Variants in TGFB2 observed in about 807,000 individuals in gnomAD.
The protein encoded by TGFB2 is transforming growth factor beta-2 proprotein.
TGFB2 carries 13 observed loss-of-function variants against 42.7 expected under a neutral mutation model. The observed-to-expected ratio is 0.30, with a 90% CI of 0.20 to 0.48. The LOEUF (loss-of-function observed/expected upper bound fraction) is 0.48, where lower values mean the gene tolerates loss of function less well. TGFB2 is among the 20% of genes least tolerant of loss of function. The pLI is 0.99. For synonymous variants in TGFB2, 193 were observed against 193.6 expected (o/e 1.00, Z 0.03); for missense variants, 390 against 517.5 (o/e 0.75, Z 2.39).
intron 2 of TGFB2, among the ~76,000 whole-genome samples, chr1:218,412,137 G>T (rs980435245): frequency 6.6e-6 from 1 of 152,094 alleles, no homozygotes; most frequent in African/African-American, 2.4e-5. Flanking sequence ...AGATAAATTA[G>T]CCTCCACCTT....
At chr1:218,382,613 T>C (rs1042350807) in intron 1 of TGFB2, among the ~76,000 whole-genome samples, 12 of 152,342 alleles carry the variant, frequency 7.9e-5, no homozygotes, top group African/African-American at 2.6e-4. Flanking sequence ...AGTGAGATTT[T>C]TTTTTCTCTA....
rs1158331124 is a variant in TGFB2 at position 218,444,491 on chromosome 1, CACCACAAACAAAAAA to C, written c.*3133_*3147del. ...CCTGTCAGTTTCACTGGTACCACTG[CACCACAAACAAAAAA>C]ACCCACCCTATTTCCTCCAATTTTT... is the stretch of plus-strand genomic sequence containing the variant. On this transcript the variant is annotated 3_prime_UTR_variant, in exon 7 of 7. Transcript: ENST00000366930. 1 of 152,136 alleles carries C rather than the reference CACCACAAACAAAAAA, an allele frequency of 6.6e-6. No homozygotes were observed. 9.4% of individuals were successfully genotyped at this position (152,136 alleles called of 1,614,324 possible).
At chr1:218,434,478 G>T in intron 4 of TGFB2, 30 bp downstream of exon 4, 1 of 1,376,632 alleles carries the variant, frequency 7.3e-7, no homozygotes, top group Non-Finnish European at 1.0e-6. Context: ...ATGAGGTGGG[G>T]GAGGGAAGGG....
intron 1 of TGFB2, among the ~76,000 whole-genome samples, chr1:218,393,078 G>A (rs568000716): frequency 2.5e-4 from 38 of 152,270 alleles, no homozygotes; most frequent in Middle Eastern, 3.4e-3. Flanking sequence ...CTATAATTTT[G>A]AAAAGATTAG....
chr1:218,425,153 G>A (rs1188861298), intron 2 of TGFB2, among the ~76,000 whole-genome samples: 2 of 152,136 alleles, frequency 1.3e-5, no homozygotes, highest in Non-Finnish European at 2.9e-5. Context: ...TTCCTGAAGG[G>A]CTTTGTTAAC....
intron 1 of TGFB2, among the ~76,000 whole-genome samples, chr1:218,364,074 C>G (rs1284501653): frequency 1.3e-5 from 2 of 152,126 alleles, no homozygotes; most frequent in African/African-American, 4.8e-5. Context: ...TCTTGTTTTT[C>G]CAGTGAGGCC....
chr1:218,361,149 G>T (rs186382418), intron 1 of TGFB2, among the ~76,000 whole-genome samples: 1 of 152,174 alleles, frequency 6.6e-6, no homozygotes. Flanking sequence ...CACCGCGCCC[G>T]GCCTGAAAAC....
chr1:218,415,699 GAAAAAAA>G (rs1174137652), intron 2 of TGFB2, among the ~76,000 whole-genome samples: 8 of 61,668 alleles, frequency 1.3e-4, no homozygotes, highest in Admixed American at 1.8e-4. Flanking sequence ...TGTCTCAAAA[GAAAAAAA>G]AAAAAAAAAA....
intron 2 of TGFB2, among the ~76,000 whole-genome samples, chr1:218,424,548 GA>G (rs1174556219): frequency 6.6e-6 from 1 of 152,220 alleles, no homozygotes; most frequent in Admixed American, 6.5e-5. Context: ...AGGCTCTGGG[GA>G]TGGGGCTTAG....
chr1:218,352,350 C>A (rs1469010675), intron 1 of TGFB2, among the ~76,000 whole-genome samples: 1 of 152,152 alleles, frequency 6.6e-6, no homozygotes, highest in Non-Finnish European at 1.5e-5. Flanking sequence ...TTCTGCACAG[C>A]TTGATGAAAT....
intron 2 of TGFB2, among the ~76,000 whole-genome samples, chr1:218,429,058 G>A (rs557436978): frequency 7.2e-5 from 10 of 138,228 alleles, no homozygotes; most frequent in Admixed American, 4.2e-4. Flanking sequence ...TCAGCTCACT[G>A]CAACCTCCGC....
At chr1:218,366,839 C>T (rs1657402703) in intron 1 of TGFB2, among the ~76,000 whole-genome samples, 1 of 152,192 alleles carries the variant, frequency 6.6e-6, no homozygotes, top group South Asian at 2.1e-4. Context: ...TCAGTCATAC[C>T]ACATGGATGG....
chr1:218,429,567 T>C (rs1659737273), intron 2 of TGFB2, among the ~76,000 whole-genome samples: 1 of 152,218 alleles, frequency 6.6e-6, no homozygotes, highest in Non-Finnish European at 1.5e-5. Context: ...GATGTATAAG[T>C]ATTGCTTGAG....
intron 1 of TGFB2, among the ~76,000 whole-genome samples, chr1:218,386,633 G>A (rs1426579654): frequency 6.6e-6 from 1 of 152,098 alleles, no homozygotes; most frequent in Non-Finnish European, 1.5e-5. Flanking sequence ...GGGCCATTCT[G>A]GTTTGTTTGA....
chr1:218,386,990 A>G (rs1319983750), intron 1 of TGFB2, among the ~76,000 whole-genome samples: 1 of 152,228 alleles, frequency 6.6e-6, no homozygotes, highest in Non-Finnish European at 1.5e-5. Flanking sequence ...AGAGGCCACT[A>G]TAATACACAG....
chr1:218,385,876 T>A (rs1237441292), intron 1 of TGFB2, among the ~76,000 whole-genome samples: 2 of 152,206 alleles, frequency 1.3e-5, no homozygotes, highest in East Asian at 3.8e-4. Context: ...TTTATTTTTA[T>A]TTTTTCTTAA....
Position 218,352,046 on chromosome 1 carries a change from A to G in TGFB2, c.346+4999A>G, listed in dbSNP as rs187382167. 8.1e-3 allele frequency among the ~76,000 whole-genome samples: 1,230 copies of G among 152,116 alleles called. 19 individuals carry two copies. Among genetic ancestry groups the G allele is most frequent in the African/African-American group, 0.028 (1,167 of 41,480 alleles). ...GAGTGGAGGCTCCTGGCCCTGGGAG[A>G]GGTGTGCAGGGTCACCACTGGAGTG... On this transcript the variant is annotated intron_variant, in intron 1 of 6. Coordinates refer to ENST00000366930, the MANE Select transcript of TGFB2 (RefSeq NM_003238.6).
rs1436257073 is a variant in TGFB2 at position 218,431,725 on chromosome 1, G to A, written c.511-2357G>A. Reference sequence around the variant, plus strand: ...GAAGAATTTAGAGACAAAACGATGAGTTCTGTGAATGTTACCAGTTTTTAG... The same window carrying A: ...GAAGAATTTAGAGACAAAACGATGAATTCTGTGAATGTTACCAGTTTTTAG... On this transcript the variant is annotated intron_variant, in intron 2 of 6. Transcript: ENST00000366930. Among the ~76,000 whole-genome samples the A allele has an allele frequency of 2.6e-5, 4 of 152,330 alleles. No individual in the cohort carries two copies. The East Asian group carries it at 7.7e-4, about 29-fold the overall frequency.
chr1:218,346,586 A>AAAC lies in TGFB2; in HGVS notation c.-114_-113insCAA, dbSNP rs113711540. ...GATTGTTTGCAAAAGTTTCGCATCA[A>AAAC]AAACAACAACAACAAAAAACCAAAC... On this transcript the variant is annotated 5_prime_UTR_variant, in exon 1 of 7. Coordinates refer to ENST00000366930, the MANE Select transcript of TGFB2 (RefSeq NM_003238.6). The surrounding 1 kb of genome is among the most constrained non-coding windows in gnomAD (Gnocchi z 4.9). 14 of 924,036 alleles carry AAAC rather than the reference A, an allele frequency of 1.5e-5. No individual in the cohort carries two copies. In the African/African-American group the frequency reaches 1.9e-4, roughly 12 times the overall value. 57.2% of individuals were successfully genotyped at this position (924,036 alleles called of 1,614,324 possible).
Sources: gnomAD v4.1 joint callset for allele counts (sites outside exome capture counted in the v4.1 genomes callset) on GRCh38, gnomAD v4.1.1 for gene constraint, Gnocchi (gnomAD v3.1) non-coding constraint, MANE v1.5 for transcripts, NCBI Gene and HGNC (gene_info 2026-07-23, HGNC 2026-07-21) for gene names.